The following ARHGEF28 variants were observed in gnomAD, a reference collection of about 807,000 sequenced individuals.
ARHGEF28 encodes Rho guanine nucleotide exchange factor 28, also known as 190 kDa guanine nucleotide exchange factor.
In ARHGEF28, 152 loss-of-function variants were observed where a neutral mutation model predicts 206.6. That is an observed-to-expected ratio of 0.74 (90% CI 0.64 to 0.84). The LOEUF (loss-of-function observed/expected upper bound fraction) is 0.84. ARHGEF28 is among the 40% of genes least tolerant of loss of function. The pLI is 0.00. For synonymous variants in ARHGEF28, 763 were observed against 776.4 expected (o/e 0.98, Z 0.29); for missense variants, 2,028 against 2,073.2 (o/e 0.98, Z 0.42).
chr5:73,817,076 A>G (rs1489946263), intron 9 of ARHGEF28, among the ~76,000 whole-genome samples: 5 of 152,250 alleles, frequency 3.3e-5, no homozygotes, highest in Non-Finnish European at 7.3e-5. Flanking sequence ...CATAATTGTC[A>G]TTCAATCTTT....
Position 73,794,397 on chromosome 5 carries a change from T to A in ARHGEF28, c.911-5T>A. The A allele has an allele frequency of 1.3e-6, 2 of 1,593,800 alleles. No homozygotes were observed. Among genetic ancestry groups the A allele is most frequent in the Non-Finnish European group, 1.7e-6 (2 of 1,168,780 alleles). ...AGCAGATCCTGATAATTATTTCTTT[T>A]GCAGAGATTAAGAATTCAGTGTCCA... On this transcript the variant is annotated splice_region_variant and splice_polypyrimidine_tract_variant and intron_variant, in intron 7 of 35. Transcript: ENST00000513042.
chr5:73,898,353 C>T (rs1028838701), intron 30 of ARHGEF28: 2 of 258,664 alleles, frequency 7.7e-6, no homozygotes, highest in Non-Finnish European at 1.5e-5. Context: ...AAATATCGGA[C>T]CTTCCCCAAC....
intron 35 of ARHGEF28, among the ~76,000 whole-genome samples, chr5:73,913,196 G>C (rs1359160343): frequency 1.3e-5 from 2 of 152,326 alleles, no homozygotes; most frequent in East Asian, 3.9e-4. Flanking sequence ...AGTAGGCCAA[G>C]GACGCTCAGG....
intron 1 of ARHGEF28, among the ~76,000 whole-genome samples, chr5:73,684,077 A>G (rs985412381): frequency 4.6e-5 from 7 of 152,216 alleles, no homozygotes; most frequent in African/African-American, 9.7e-5. Flanking sequence ...TTGATAATAT[A>G]TAGAAGGTTT....
intron 2 of ARHGEF28, among the ~76,000 whole-genome samples, chr5:73,709,799 T>C (rs771425712): frequency 3.9e-5 from 6 of 152,236 alleles, no homozygotes; most frequent in Non-Finnish European, 2.9e-5. Flanking sequence ...GAGTTGGTCA[T>C]GACCCGCATT....
intron 2 of ARHGEF28, among the ~76,000 whole-genome samples, chr5:73,693,020 T>A (rs1292513855): frequency 6.6e-6 from 1 of 152,340 alleles, no homozygotes; most frequent in Non-Finnish European, 1.5e-5. Flanking sequence ...ACCCTCACTT[T>A]GCTGATGAGG....
At chr5:73,938,205 C>G (rs899891145) in intron 35 of ARHGEF28, among the ~76,000 whole-genome samples, 6 of 150,850 alleles carry the variant, frequency 4.0e-5, no homozygotes, top group Admixed American at 3.3e-4. Context: ...CACACAACTC[C>G]CCATCCCCAT....
At chr5:73,652,839 A>G (rs1448508479) in intron 1 of ARHGEF28, among the ~76,000 whole-genome samples, 1 of 152,192 alleles carries the variant, frequency 6.6e-6, no homozygotes, top group Non-Finnish European at 1.5e-5. Context: ...GTGACCTCTC[A>G]GTATCACACA....
intron 7 of ARHGEF28, among the ~76,000 whole-genome samples, chr5:73,790,524 C>A (rs940676534): frequency 6.6e-6 from 1 of 152,064 alleles, no homozygotes; most frequent in Non-Finnish European, 1.5e-5. Context: ...TCAGTAGGGA[C>A]CAGTGGAGCT....
chr5:73,628,787 A>C (rs2112109857), intron 1 of ARHGEF28, among the ~76,000 whole-genome samples: 1 of 152,324 alleles, frequency 6.6e-6, no homozygotes, highest in African/African-American at 2.4e-5. Flanking sequence ...ATCTCTACTT[A>C]GGCAAAGCTG....
At chr5:73,892,373 C>T (rs1448429478) in intron 27 of ARHGEF28, 143 bp downstream of exon 27, 1 of 853,474 alleles carries the variant, frequency 1.2e-6, no homozygotes, top group Non-Finnish European at 1.8e-6. Flanking sequence ...CGATAGCCCC[C>T]CATCTGCAGC....
At chr5:73,812,526 C>A (rs1755906216) in intron 9 of ARHGEF28, among the ~76,000 whole-genome samples, 1 of 152,116 alleles carries the variant, frequency 6.6e-6, no homozygotes, top group Admixed American at 6.5e-5. Context: ...TTTTCCACTG[C>A]AGATCTCGGC....
Position 73,909,780 on chromosome 5 carries a change from C to A in ARHGEF28, c.4530C>A (p.Gly1510=). ...YQHSLERLRE[G]QRLVEREQAR... ...ACAGCCTGGAGCGGCTGAGGGAGGG[C>A]CAGCGCCTGGTGGAGAGGGAGCAGG... The change falls in exon 34 of 36, where the codon GGC becomes GGA. Residue 1510 remains glycine, a synonymous_variant. Transcript: ENST00000513042. 2 of 1,516,094 alleles carry A rather than the reference C, an allele frequency of 1.3e-6. No individual in the cohort carries two copies. The highest frequency in any genetic ancestry group is 1.3e-5 in the South Asian group (1 of 79,252). 93.9% of individuals were successfully genotyped at this position (1,516,094 alleles called of 1,614,324 possible).
intron 4 of ARHGEF28, among the ~76,000 whole-genome samples, chr5:73,772,385 G>C (rs1753269016): frequency 6.6e-6 from 1 of 151,856 alleles, no homozygotes; most frequent in South Asian, 2.1e-4. Context: ...GCTTAATGAG[G>C]GTCTTTTTTT....
intron 2 of ARHGEF28, among the ~76,000 whole-genome samples, chr5:73,692,205 G>A (rs376844759): frequency 6.6e-6 from 1 of 152,244 alleles, no homozygotes; most frequent in Non-Finnish European, 1.5e-5. Flanking sequence ...ACTAATATGA[G>A]CATCTATTAG....
At chr5:73,648,018 C>T (rs924491778) in intron 1 of ARHGEF28, among the ~76,000 whole-genome samples, 1 of 152,132 alleles carries the variant, frequency 6.6e-6, no homozygotes, top group African/African-American at 2.4e-5. Flanking sequence ...TAAAATTGCT[C>T]AGCTATTTTT....
rs545742649 is a variant in ARHGEF28, at chr5:73,649,595, T to G, written c.-12+23273T>G. 2.0e-5 allele frequency among the ~76,000 whole-genome samples: 3 copies of G among 152,370 alleles called. No homozygotes were observed. In the East Asian group the frequency reaches 5.8e-4, roughly 29 times the overall value. ...CATGCTCCTAGTGAGTAAAGTGAGT[T>G]CTGTGTACTTGAACCTACTCTTTGG... On this transcript the variant is annotated intron_variant, in intron 1 of 35. Coordinates refer to ENST00000513042, the MANE Select transcript of ARHGEF28 (RefSeq NM_001177693.2).
chr5:73,644,396 G>A (rs573702746), intron 1 of ARHGEF28, among the ~76,000 whole-genome samples: 1 of 152,294 alleles, frequency 6.6e-6, no homozygotes, highest in African/African-American at 2.4e-5. Flanking sequence ...GTGTTTCCAT[G>A]CTCTCGTCTA....
intron 14 of ARHGEF28, among the ~76,000 whole-genome samples, chr5:73,855,276 C>G (rs560808524): frequency 1.1e-4 from 17 of 152,164 alleles, no homozygotes; most frequent in African/African-American, 4.1e-4. Flanking sequence ...ACAGTATTAC[C>G]CATCTTCATA....
Sources: allele counts gnomAD v4.1 joint callset (sites outside exome capture counted in the v4.1 genomes callset), GRCh38; gene constraint gnomAD v4.1.1; transcripts MANE v1.5; gene names NCBI Gene and HGNC (gene_info 2026-07-23, HGNC 2026-07-21).